Variants in PDGFC observed in about 807,000 individuals in gnomAD.
PDGFC encodes the protein platelet-derived growth factor C.
A neutral mutation model predicts 35.5 loss-of-function variants in PDGFC; 12 were observed. The observed-to-expected ratio is 0.34, with a 90% confidence interval of 0.22 to 0.55. The LOEUF (loss-of-function observed/expected upper bound fraction) is 0.55. PDGFC is among the 20% of genes least tolerant of loss of function. The pLI is 0.91. For missense variants in PDGFC, 322 were observed against 412.4 expected, an observed-to-expected ratio of 0.78 and a Z score of 1.90; for synonymous variants, 159 against 148.8, an observed-to-expected ratio of 1.07 and a Z score of -0.50.
intron 2 of PDGFC, among the ~76,000 whole-genome samples, chr4:156,825,487 C>A (rs1190613375): frequency 6.7e-6 from 1 of 149,318 alleles, no homozygotes; most frequent in Non-Finnish European, 1.5e-5. Flanking sequence ...GAGGTCAAGG[C>A]TGCAGTGAGC....
chr4:156,851,723 C>T (rs1342059651), intron 1 of PDGFC, among the ~76,000 whole-genome samples: 1 of 151,928 alleles, frequency 6.6e-6, no homozygotes, highest in African/African-American at 2.4e-5. Context: ...GCGGGTGGAT[C>T]ACGAGGTCAG....
chr4:156,915,525 G>C (rs1386201368), intron 1 of PDGFC, among the ~76,000 whole-genome samples: 1 of 152,122 alleles, frequency 6.6e-6, no homozygotes, highest in Non-Finnish European at 1.5e-5. Flanking sequence ...GTGCGGGGGG[G>C]CAGGGTGCAG....
chr4:156,881,365 T>C (rs1277147273), intron 1 of PDGFC, among the ~76,000 whole-genome samples: 2 of 152,166 alleles, frequency 1.3e-5, no homozygotes, highest in Non-Finnish European at 2.9e-5. Flanking sequence ...ACAAATGTAA[T>C]TTTTATCTGC....
chr4:156,924,908 G>A (rs574450865), intron 1 of PDGFC, among the ~76,000 whole-genome samples: 2 of 152,304 alleles, frequency 1.3e-5, no homozygotes, highest in East Asian at 3.9e-4. Context: ...GCTCAAGCCA[G>A]GAAGAGACAG....
chr4:156,913,677 GCTT>G (rs35096409), intron 1 of PDGFC, among the ~76,000 whole-genome samples: 63,782 of 151,758 alleles, frequency 0.42, 14,518 homozygotes, highest in Non-Finnish European at 0.52. Context: ...CTGGTCTTTT[GCTT>G]CTTCTTAGGT....
chr4:156,880,962 A>G (rs1174000336), intron 1 of PDGFC, among the ~76,000 whole-genome samples: 1 of 152,224 alleles, frequency 6.6e-6, no homozygotes, highest in Non-Finnish European at 1.5e-5. Flanking sequence ...TTTGAGTATT[A>G]CATAAAGTTA....
At chr4:156,838,626 G>C (rs1340707268) in intron 2 of PDGFC, among the ~76,000 whole-genome samples, 2 of 152,188 alleles carry the variant, frequency 1.3e-5, no homozygotes, top group Non-Finnish European at 2.9e-5. Context: ...AATACCAAAA[G>C]AGATTTGATG....
intron 1 of PDGFC, among the ~76,000 whole-genome samples, chr4:156,952,543 G>C (rs1732109537): frequency 6.6e-6 from 1 of 151,750 alleles, no homozygotes; most frequent in Admixed American, 6.6e-5. Flanking sequence ...GCAGTACAAA[G>C]AGCTAAGTCA....
chr4:156,839,549 A>G (rs1167947608), intron 2 of PDGFC, among the ~76,000 whole-genome samples: 1 of 152,186 alleles, frequency 6.6e-6, no homozygotes, highest in Non-Finnish European at 1.5e-5. Context: ...ATGGACTAAT[A>G]CAGTAAATTG....
At chr4:156,911,539 C>G (rs915041435) in intron 1 of PDGFC, among the ~76,000 whole-genome samples, 1 of 151,920 alleles carries the variant, frequency 6.6e-6, no homozygotes, top group Non-Finnish European at 1.5e-5. Context: ...ATTATATATA[C>G]TAGACTTTAT....
At chr4:156,908,225 T>C (rs964170772) in intron 1 of PDGFC, among the ~76,000 whole-genome samples, 4 of 152,076 alleles carry the variant, frequency 2.6e-5, no homozygotes, top group Admixed American at 6.6e-5. Context: ...AAGCTTAGCT[T>C]TAAGGCAATA....
Position 156,763,212 on chromosome 4 carries a change from A to T in PDGFC, c.922-6T>A. Reference sequence around the variant, plus strand: ...TTTGGTCTCAACTGAAGGACCTGAAAGGGAATAAGAGTAAGCCACTTTTAA... The same window carrying T: ...TTTGGTCTCAACTGAAGGACCTGAATGGGAATAAGAGTAAGCCACTTTTAA... On this transcript the variant is annotated splice_polypyrimidine_tract_variant and splice_region_variant and intron_variant, in intron 5 of 5. Coordinates refer to ENST00000502773, the MANE Select transcript of PDGFC (RefSeq NM_016205.3). The T allele has an allele frequency of 1.4e-6, 2 of 1,413,170 alleles. No individual in the cohort carries two copies. Among genetic ancestry groups the T allele is most frequent in the South Asian group, 2.3e-5 (2 of 87,216 alleles). The allele number at this position is 1,413,170 out of a possible 1,614,324, so 87.5% of individuals were successfully genotyped here. A position where few individuals can be genotyped will look rare whatever the true frequency, so the allele number is the denominator to read the frequency against.
chr4:156,815,023 A>C (rs1732042189), intron 2 of PDGFC, among the ~76,000 whole-genome samples: 1 of 152,128 alleles, frequency 6.6e-6, no homozygotes. Context: ...TGCTCATGCA[A>C]GTCTAGTGCA....
rs755388560 is a variant in PDGFC at position 156,807,709 on chromosome 4, C to T, written c.495+3128G>A. On this transcript the variant is annotated intron_variant, in intron 3 of 5. Transcript: ENST00000502773. ...GGAGTCTTAACTGTTGACCAGAACCCGATATCCATTTATAGTCCCAAAGAA... is the reference window on the plus strand; with the variant it reads ...GGAGTCTTAACTGTTGACCAGAACCTGATATCCATTTATAGTCCCAAAGAA... 2.3e-4 allele frequency among the ~76,000 whole-genome samples: 35 copies of T among 151,956 alleles called. 1 individual carries two copies. Among genetic ancestry groups the T allele is most frequent in the Non-Finnish European group, 1.3e-4 (9 of 67,924 alleles).
chr4:156,906,169 T>C (rs2110786108), intron 1 of PDGFC, among the ~76,000 whole-genome samples: 1 of 152,288 alleles, frequency 6.6e-6, no homozygotes, highest in East Asian at 1.9e-4. Context: ...AAAACAAGAA[T>C]ATTTCAGAAG....
chr4:156,852,141 C>A (rs1016968851), intron 1 of PDGFC, among the ~76,000 whole-genome samples: 2 of 151,952 alleles, frequency 1.3e-5, no homozygotes, highest in Non-Finnish European at 2.9e-5. Context: ...TTATATAGTG[C>A]AACTTTTATA....
intron 2 of PDGFC, among the ~76,000 whole-genome samples, chr4:156,833,909 C>A (rs776764813): frequency 6.6e-6 from 1 of 152,178 alleles, no homozygotes; most frequent in African/African-American, 2.4e-5. Context: ...TAGGAATCAA[C>A]ATATTGTAGC....
At chr4:156,880,254 G>A (rs1360228403) in intron 1 of PDGFC, among the ~76,000 whole-genome samples, 1 of 152,054 alleles carries the variant, frequency 6.6e-6, no homozygotes, top group Admixed American at 6.6e-5. Flanking sequence ...TCTCTTGTTA[G>A]GGACTAACAC....
intron 3 of PDGFC, among the ~76,000 whole-genome samples, chr4:156,797,287 A>C (rs186687222): frequency 1.3e-5 from 2 of 152,170 alleles, no homozygotes; most frequent in East Asian, 1.9e-4. Context: ...TAAATTTAAC[A>C]GAGCTTAATT....
Sources: gnomAD v4.1 joint callset for allele counts (sites outside exome capture counted in the v4.1 genomes callset) on GRCh38, gnomAD v4.1.1 for gene constraint, MANE v1.5 for transcripts, NCBI Gene and HGNC (gene_info 2026-07-23, HGNC 2026-07-21) for gene names.